The following TRPC4 variants were observed in gnomAD, a reference collection of about 807,000 sequenced individuals.
The protein encoded by TRPC4 is transient receptor potential cation channel subfamily C member 4.
Under a neutral mutation model 99.4 loss-of-function variants are expected in TRPC4, and 49 were observed. The ratio of observed to expected loss-of-function variants is 0.49; its 90% CI spans 0.39 to 0.63. TRPC4 has a LOEUF of 0.63. Ranked by LOEUF, TRPC4 falls within the 20% of genes least tolerant of loss-of-function variation. The probability of loss-of-function intolerance (pLI) is 0.00; values close to 1 mark genes in which losing one functional copy is unlikely to be tolerated. For missense variants in TRPC4, 898 were observed against 1,152.9 expected, an observed-to-expected ratio of 0.78 and a Z score of 3.20; for synonymous variants, 454 against 425.9, an observed-to-expected ratio of 1.07 and a Z score of -0.81.
chr13:37,745,169 C>T (rs1955700840), intron 3 of TRPC4, among the ~76,000 whole-genome samples: 1 of 151,568 alleles, frequency 6.6e-6, no homozygotes, highest in Non-Finnish European at 1.5e-5. Flanking sequence ...TCCTAAAAAC[C>T]TGTGAGGAAA....
At chr13:37,684,354 A>G (rs1953380632) in intron 4 of TRPC4, among the ~76,000 whole-genome samples, 2 of 152,186 alleles carry the variant, frequency 1.3e-5, no homozygotes, top group Admixed American at 6.5e-5. Flanking sequence ...ATAATTAAGG[A>G]AGTACACATT....
At chr13:37,819,571 C>T (rs1483052876) in intron 1 of TRPC4, among the ~76,000 whole-genome samples, 1 of 151,880 alleles carries the variant, frequency 6.6e-6, no homozygotes, top group Non-Finnish European at 1.5e-5. Context: ...AACGCAGGAA[C>T]AGGAAATCAA....
At chr13:37,672,947 A>AT (rs995917145) in intron 5 of TRPC4, among the ~76,000 whole-genome samples, 6 of 151,824 alleles carry the variant, frequency 4.0e-5, no homozygotes, top group African/African-American at 7.3e-5. Flanking sequence ...ACTTCAGACA[A>AT]TTTTTTTTAT....
chr13:37,678,987 C>G (rs781629177), intron 4 of TRPC4, among the ~76,000 whole-genome samples: 2 of 152,026 alleles, frequency 1.3e-5, no homozygotes, highest in African/African-American at 2.4e-5. Context: ...GTGATCATTT[C>G]AATAGATGCA....
At chr13:37,728,277 G>A (rs1275247758) in intron 3 of TRPC4, among the ~76,000 whole-genome samples, 1 of 151,852 alleles carries the variant, frequency 6.6e-6, no homozygotes, top group Non-Finnish European at 1.5e-5. Flanking sequence ...AGTCTTATAT[G>A]CAGAAAACCC....
At chr13:37,779,434 C>A (rs145547607) in intron 2 of TRPC4, among the ~76,000 whole-genome samples, 64 of 150,022 alleles carry the variant, frequency 4.3e-4, no homozygotes, top group Non-Finnish European at 7.7e-4. Flanking sequence ...AAAAAAAAAA[C>A]CCAACTAAAT....
chr13:37,731,925 T>C (rs1316691743), intron 3 of TRPC4, among the ~76,000 whole-genome samples: 1 of 152,120 alleles, frequency 6.6e-6, no homozygotes, highest in Non-Finnish European at 1.5e-5. Flanking sequence ...AAATTATATG[T>C]GAAGCTTTGT....
chr13:37,770,109 A>G (rs1246203866), intron 2 of TRPC4, among the ~76,000 whole-genome samples: 1 of 151,510 alleles, frequency 6.6e-6, no homozygotes, highest in East Asian at 1.9e-4. Flanking sequence ...AGTTTTATTT[A>G]TATTTTTTCC....
rs903737815 is a variant in TRPC4, at chr13:37,758,260, C to T, written c.379-11805G>A. ...ATGTAAAATTTTCTGGTAAGGACACCACTAAAATAATTGTTAGTATGTTGA... is the reference window on the plus strand; with the variant it reads ...ATGTAAAATTTTCTGGTAAGGACACTACTAAAATAATTGTTAGTATGTTGA... On this transcript the variant is annotated intron_variant, in intron 2 of 10. Coordinates refer to ENST00000379705, the MANE Select transcript of TRPC4 (RefSeq NM_016179.4). Among the ~76,000 whole-genome samples the T allele has an allele frequency of 2.0e-5, 3 of 151,566 alleles. No homozygotes were observed. The South Asian group carries it at 6.2e-4, about 31-fold the overall frequency.
At chr13:37,839,552 T>C (rs953278385) in intron 1 of TRPC4, among the ~76,000 whole-genome samples, 4 of 152,202 alleles carry the variant, frequency 2.6e-5, no homozygotes, top group Non-Finnish European at 5.9e-5. Context: ...TCATTAGATA[T>C]TATCCTGTCA....
chr13:37,828,377 G>A (rs1474406504), intron 1 of TRPC4, among the ~76,000 whole-genome samples: 1 of 152,178 alleles, frequency 6.6e-6, no homozygotes, highest in Non-Finnish European at 1.5e-5. Context: ...TGCTTATACG[G>A]TGTTGTTTGG....
chr13:37,749,372 G>T (rs899752528), intron 2 of TRPC4, among the ~76,000 whole-genome samples: 9 of 151,834 alleles, frequency 5.9e-5, no homozygotes, highest in African/African-American at 1.9e-4. Flanking sequence ...AAATGTATTC[G>T]AAATTTAACA....
intron 6 of TRPC4, among the ~76,000 whole-genome samples, chr13:37,658,050 C>T (rs1440316115): frequency 5.3e-5 from 8 of 152,194 alleles, no homozygotes; most frequent in Non-Finnish European, 5.9e-5. Flanking sequence ...TTCAAAGCCA[C>T]TGCTTTCAGA....
chr13:37,639,379 A>T, intron 8 of TRPC4, 80 bp from the exon 9 acceptor site: 22 of 1,429,712 alleles, frequency 1.5e-5, no homozygotes, highest in Non-Finnish European at 1.8e-5. Context: ...TTTAATCGAT[A>T]ATGTTTTTAT....
intron 1 of TRPC4, 107 bp from the exon 2 acceptor site, chr13:37,783,467 T>A: frequency 1.3e-6 from 1 of 760,980 alleles, no homozygotes; most frequent in Non-Finnish European, 1.9e-6. Flanking sequence ...ACAATACCAT[T>A]ATTAGTAACT....
chr13:37,679,924 T>C (rs1331828157), intron 4 of TRPC4, among the ~76,000 whole-genome samples: 1 of 152,204 alleles, frequency 6.6e-6, no homozygotes, highest in Non-Finnish European at 1.5e-5. Flanking sequence ...CACATTTTTT[T>C]CCATACCTAT....
At chr13:37,848,810 A>G (rs1435848478) in intron 1 of TRPC4, among the ~76,000 whole-genome samples, 1 of 152,188 alleles carries the variant, frequency 6.6e-6, no homozygotes, top group Admixed American at 6.6e-5. Context: ...GTATGTGGGG[A>G]GTAAAGAAAG....
chr13:37,782,381 C>T (rs954092746), intron 2 of TRPC4, among the ~76,000 whole-genome samples: 3 of 151,910 alleles, frequency 2.0e-5, no homozygotes, highest in African/African-American at 7.3e-5. Context: ...GTAGTTAAGC[C>T]CACAGTCAGA....
At chr13:37,822,105 A>G (rs117788580) in intron 1 of TRPC4, among the ~76,000 whole-genome samples, 1,777 of 152,262 alleles carry the variant, frequency 0.012, 16 homozygotes, top group Admixed American at 0.019. Flanking sequence ...ACTTAAATTT[A>G]TAAGAAATAA....
Sources: gnomAD v4.1 joint callset for allele counts (sites outside exome capture counted in the v4.1 genomes callset) on GRCh38, gnomAD v4.1.1 for gene constraint, MANE v1.5 for transcripts, NCBI Gene and HGNC (gene_info 2026-07-23, HGNC 2026-07-21) for gene names.